ARID2: variants seen among roughly 807,000 people sequenced by gnomAD.
ARID2 encodes the protein AT-rich interaction domain 2, also known as AT-rich interactive domain-containing protein 2.
ARID2 carries 32 observed loss-of-function variants against 184.6 expected under a neutral mutation model. That is an observed-to-expected ratio of 0.17 (90% confidence interval 0.13 to 0.23). ARID2 has a LOEUF of 0.23. Ranked by LOEUF, ARID2 falls within the 10% of genes least tolerant of loss-of-function variation. ARID2 has a pLI of 1.00. For missense variants in ARID2, 1,696 were observed against 2,197.6 expected (o/e 0.77, Z 4.56); for synonymous variants, 836 against 772.6 (o/e 1.08, Z -1.36).
intron 3 of ARID2, among the ~76,000 whole-genome samples, chr12:45,752,794 C>T (rs1375278026): frequency 6.6e-6 from 1 of 152,148 alleles, no homozygotes; most frequent in Admixed American, 6.5e-5. Flanking sequence ...CTGTACCAGG[C>T]CAAGGCTGAT....
chr12:45,762,805 C>T (rs1640892780), intron 3 of ARID2, among the ~76,000 whole-genome samples: 1 of 152,156 alleles, frequency 6.6e-6, no homozygotes, highest in Admixed American at 6.5e-5. Flanking sequence ...TTGGAATTCT[C>T]AGAACATCTT....
At chr12:45,827,818 G>A (rs906247402) in intron 6 of ARID2, among the ~76,000 whole-genome samples, 2 of 152,102 alleles carry the variant, frequency 1.3e-5, no homozygotes, top group African/African-American at 4.8e-5. Context: ...GTATGCTTAT[G>A]TGCAGGACCA....
At chr12:45,821,518 T>C (rs1420113916) in intron 6 of ARID2, 31 bp downstream of exon 6, 1 of 1,382,102 alleles carries the variant, frequency 7.2e-7, no homozygotes, top group Non-Finnish European at 9.7e-7. Flanking sequence ...TGTTGATTCA[T>C]TGAGTTACAT....
chr12:45,744,231 A>G (rs192154121), intron 3 of ARID2, among the ~76,000 whole-genome samples: 1 of 152,240 alleles, frequency 6.6e-6, no homozygotes, highest in East Asian at 1.9e-4. Context: ...ACTGCCTGTT[A>G]TATGTTTTGA....
At chr12:45,811,584 T>C in intron 4 of ARID2, 33 bp downstream of exon 4, 1 of 1,601,332 alleles carries the variant, frequency 6.2e-7, no homozygotes, top group Non-Finnish European at 8.5e-7. Context: ...AGGATATATG[T>C]CCGCAGTTTT....
chr12:45,802,480 T>A (rs1942523880), intron 3 of ARID2, among the ~76,000 whole-genome samples: 1 of 152,206 alleles, frequency 6.6e-6, no homozygotes, highest in South Asian at 2.1e-4. Context: ...TGCGTGAATT[T>A]CTTTTAAAAG....
At chr12:45,775,171 C>A (rs923185094) in intron 3 of ARID2, among the ~76,000 whole-genome samples, 3 of 152,174 alleles carry the variant, frequency 2.0e-5, no homozygotes, top group African/African-American at 7.2e-5. Context: ...ATGATGCTTT[C>A]TTTTAGTGTT....
At chr12:45,758,613 C>T (rs540084962) in intron 3 of ARID2, among the ~76,000 whole-genome samples, 5 of 152,276 alleles carry the variant, frequency 3.3e-5, no homozygotes, top group African/African-American at 9.6e-5. Context: ...TCTGATATAA[C>T]AGTCCAAACA....
chr12:45,819,687 C>G (rs1408271017), intron 5 of ARID2, among the ~76,000 whole-genome samples: 1 of 150,950 alleles, frequency 6.6e-6, no homozygotes, highest in African/African-American at 2.4e-5. Context: ...TATATTTCTG[C>G]CCTATATTGT....
Position 45,839,401 on chromosome 12 carries a change from T to C in ARID2, c.1403T>C (p.Ile468Thr), listed in dbSNP as rs772370400. The C allele has an allele frequency of 6.2e-7, 1 of 1,614,170 alleles. No homozygotes were observed. Among genetic ancestry groups the C allele is most frequent in the South Asian group, 1.1e-5 (1 of 91,086 alleles). ...GATGCACTAGCTGCGGTAAAACTCA[T>C]TGAACACCCAAGTTCCAGTCATCAA... ...GPDALAAVKLIEHPSSSHQML... is the reference protein window; with the variant it reads ...GPDALAAVKLTEHPSSSHQML... Residue 468 changes from isoleucine (I) to threonine (T), a missense_variant, in exon 11 of 21, where the codon ATT becomes ACT. Physicochemically the swap from Ile to Thr is moderately conservative, Grantham distance 89. This residue lies in a region of ARID2 where 713 missense variants were observed against 824.4 expected (regional missense o/e 0.86). Coordinates refer to ENST00000334344, the MANE Select transcript of ARID2 (RefSeq NM_152641.4).
chr12:45,752,312 A>T (rs1941479149), intron 3 of ARID2, among the ~76,000 whole-genome samples: 1 of 152,144 alleles, frequency 6.6e-6, no homozygotes, highest in African/African-American at 2.4e-5. Flanking sequence ...TGTCTCCCCT[A>T]CTAAAATCTT....
At chr12:45,819,052 A>G (rs1942853320) in intron 5 of ARID2, among the ~76,000 whole-genome samples, 2 of 152,124 alleles carry the variant, frequency 1.3e-5, no homozygotes, top group South Asian at 2.1e-4. Flanking sequence ...AACTTTCAGC[A>G]TTTATTGTAG....
chr12:45,780,164 A>G (rs1347187978), intron 3 of ARID2, among the ~76,000 whole-genome samples: 1 of 152,242 alleles, frequency 6.6e-6, no homozygotes, highest in Non-Finnish European at 1.5e-5. Context: ...AACCACTTAC[A>G]GTGTGCCACA....
At chr12:45,899,449 C>CAA (rs748006778) in intron 20 of ARID2, among the ~76,000 whole-genome samples, 1 of 137,124 alleles carries the variant, frequency 7.3e-6, no homozygotes, top group Non-Finnish European at 1.6e-5. Context: ...GTAAAATATA[C>CAA]AAAAAAATTA....
chr12:45,831,048 A>G (rs1461015815), intron 6 of ARID2, among the ~76,000 whole-genome samples: 7 of 152,062 alleles, frequency 4.6e-5, no homozygotes, highest in Non-Finnish European at 1.0e-4. Flanking sequence ...CTGTCAAAAA[A>G]AAAAAAAAAG....
rs1943572351 is a variant in ARID2 at position 45,852,475 on chromosome 12, C to T, written c.4352C>T (p.Pro1451Leu). The change falls in exon 15 of 21, where the codon CCT becomes CTT. Residue 1451 changes from proline (P) to leucine (L), a missense_variant. Physicochemically the swap from Pro to Leu is moderately conservative, Grantham distance 98 (BLOSUM62 -3). This residue lies in a region of ARID2 where 428 missense variants were observed against 409.1 expected (regional missense o/e 1.05). Transcript: ENST00000334344. ...AGTGGTACTGATTTGCTTAATGGAC[C>T]TCTAGCTTCAAGTTTGAATTCAGAT... is the stretch of plus-strand genomic sequence containing the variant. ...QFSGTDLLNG[P>L]LASSLNSDVP... is the part of the protein sequence containing the mutation. 1 of 1,614,138 alleles carries T rather than the reference C, an allele frequency of 6.2e-7. No individual in the cohort carries two copies. Among genetic ancestry groups the T allele is most frequent in the Non-Finnish European group, 8.5e-7 (1 of 1,180,004 alleles).
At position 45,905,173 on chromosome 12, in the gene ARID2, C is replaced by T. The variant is rs1034527644; in HGVS notation, c.*95C>T. The T allele has an allele frequency of 1.4e-5, 18 of 1,270,174 alleles. No individual in the cohort carries two copies. The Admixed American group carries it at 2.4e-4, about 17-fold the overall frequency. The allele number at this position is 1,270,174 out of a possible 1,614,324, so 78.7% of individuals were successfully genotyped here. A position where few individuals can be genotyped will look rare whatever the true frequency, so the allele number is the denominator to read the frequency against. The stretch of plus-strand genomic sequence containing the variant: ...CACCAAGTCTTAATGGAACAAAGAC[C>T]ATAGAATGAATTATTTTATCTCCTC... On this transcript the variant is annotated 3_prime_UTR_variant, in exon 21 of 21. Coordinates refer to ENST00000334344, the MANE Select transcript of ARID2 (RefSeq NM_152641.4).
intron 16 of ARID2, among the ~76,000 whole-genome samples, chr12:45,867,518 T>G (rs10880864): frequency 0.62 from 92,833 of 150,352 alleles, 30,643 homozygotes; most frequent in African/African-American, 0.87. Flanking sequence ...CGAGGCGGGC[T>G]GATCGTGAGG....
chr12:45,899,871 T>G (rs1944434815), intron 20 of ARID2, among the ~76,000 whole-genome samples: 1 of 151,348 alleles, frequency 6.6e-6, no homozygotes, highest in South Asian at 2.1e-4. Context: ...TTACTATTTC[T>G]TAACTTATCT....
Sources: gnomAD v4.1 joint callset for allele counts (sites outside exome capture counted in the v4.1 genomes callset) on GRCh38, gnomAD v4.1.1 for gene constraint, gnomAD v4.1.1 regional missense constraint, MANE v1.5 for transcripts, NCBI Gene and HGNC (gene_info 2026-07-23, HGNC 2026-07-21) for gene names.